PARVG: variants seen among roughly 807,000 people sequenced by gnomAD.
PARVG encodes the protein gamma-parvin.
PARVG carries 36 observed loss-of-function variants against 44.4 expected under a neutral mutation model. The observed-to-expected ratio is 0.81, with a 90% confidence interval of 0.62 to 1.07. PARVG has a LOEUF of 1.07. Ranked by LOEUF, PARVG falls within the 50% of genes least tolerant of loss-of-function variation. The pLI is 0.00. For synonymous variants in PARVG, 170 were observed against 174.1 expected (o/e 0.98, Z 0.19); for missense variants, 407 against 407.4 (o/e 1.00, Z 0.01).
At chr22:44,180,256 T>C (rs2054358141), upstream of PARVG, among the ~76,000 whole-genome samples, 1 of 152,186 alleles carries the variant, frequency 6.6e-6, no homozygotes, top group African/African-American at 2.4e-5. Flanking sequence ...TCCTTCACCC[T>C]CTAGGTTTTG....
At chr22:44,189,870 T>G (rs185570282) in intron 6 of PARVG, among the ~76,000 whole-genome samples, 1 of 152,130 alleles carries the variant, frequency 6.6e-6, no homozygotes, top group East Asian at 1.9e-4. Context: ...TGAGCCCAGA[T>G]TGCACCACTT....
At chr22:44,178,412 A>T (rs890792762), upstream of PARVG, among the ~76,000 whole-genome samples, 6 of 152,212 alleles carry the variant, frequency 3.9e-5, no homozygotes, top group Admixed American at 3.3e-4. Context: ...ATTTAAGGAG[A>T]CAAAGATCAG....
intron 9 of PARVG, among the ~76,000 whole-genome samples, chr22:44,194,720 ATCCATCCATCCC>A (rs1191429549): frequency 6.2e-5 from 9 of 145,562 alleles, no homozygotes. Context: ...GCATTCATCC[ATCCATCCATCCC>A]TCCATCCATC....
intron 4 of PARVG, chr22:44,186,316 G>A (rs2054469417): frequency 6.1e-6 from 2 of 328,454 alleles, no homozygotes; most frequent in African/African-American, 2.1e-5. Context: ...GTGGTGGTGG[G>A]CCTGGGTCAC....
intron 4 of PARVG, 33 bp downstream of exon 4, chr22:44,185,905 G>A (rs1279357654): frequency 1.9e-6 from 3 of 1,592,818 alleles, no homozygotes; most frequent in South Asian, 1.1e-5. Flanking sequence ...GACTTCCCTG[G>A]GTGCCTCTTG....
At chr22:44,198,925 C>CCCATCCAT (rs1377821104) in intron 12 of PARVG, among the ~76,000 whole-genome samples, 1 of 46,248 alleles carries the variant, frequency 2.2e-5, no homozygotes, top group Non-Finnish European at 5.3e-5. Context: ...CATCCATCTA[C>CCCATCCAT]CCATCCATCC....
Position 44,181,116 on chromosome 22 carries a change from C to A in PARVG, c.-258C>A. On this transcript the variant is annotated 5_prime_UTR_variant, in exon 1 of 14. Transcript: ENST00000444313. Reference sequence around the variant, plus strand: ...CTCCTCTGGAAAGCCTTCCCGATCCCCTTGGCAACAACCACCACCAATATT... The same window carrying A: ...CTCCTCTGGAAAGCCTTCCCGATCCACTTGGCAACAACCACCACCAATATT... 2.0e-6 allele frequency: 1 copy of A among 511,150 alleles called. No homozygotes were observed. Among genetic ancestry groups the A allele is most frequent in the Non-Finnish European group, 2.5e-6 (1 of 396,316 alleles). 31.7% of individuals were successfully genotyped at this position (511,150 alleles called of 1,614,324 possible). A position where few individuals can be genotyped will look rare whatever the true frequency, so the allele number is the denominator to read the frequency against.
At chr22:44,186,845 A>G (rs185234863) in intron 4 of PARVG, 3 of 361,220 alleles carry the variant, frequency 8.3e-6, no homozygotes, top group African/African-American at 6.3e-5. Context: ...GAGCAAGTTC[A>G]GTGCATTCCT....
chr22:44,198,627 G>A lies in PARVG; in HGVS notation c.718G>A (p.Asp240Asn), dbSNP rs1290093440. 1 of 1,612,776 alleles carries A rather than the reference G, an allele frequency of 6.2e-7. No individual in the cohort carries two copies. Among genetic ancestry groups the A allele is most frequent in the South Asian group, 1.1e-5 (1 of 91,058 alleles). Residue 240 changes from aspartate (D) to asparagine (N), a missense_variant, in exon 12 of 14, where the codon GAT becomes AAT. Transcript: ENST00000444313. ...CCAGTTCCTTCCTTTGTAGTTTGCA[G>A]ATGGGGTCATCTTACTCTTGCTGAT... is the stretch of plus-strand genomic sequence containing the variant. ...SVQNLDTQFA[D>N]GVILLLLIGQ...
At chr22:44,191,042 T>C (rs1314412987) in intron 7 of PARVG, among the ~76,000 whole-genome samples, 2 of 152,186 alleles carry the variant, frequency 1.3e-5, no homozygotes, top group African/African-American at 2.4e-5. Flanking sequence ...GCAAAACCAA[T>C]GCTCTCACCA....
At chr22:44,186,687 G>A (rs1279195387) in intron 4 of PARVG, 1 of 470,504 alleles carries the variant, frequency 2.1e-6, no homozygotes, top group South Asian at 1.5e-5. Flanking sequence ...TCCACAGGCT[G>A]ATCCAGAGAC....
intron 12 of PARVG, among the ~76,000 whole-genome samples, chr22:44,202,556 T>A (rs2054724055): frequency 6.6e-6 from 1 of 152,152 alleles, no homozygotes; most frequent in Admixed American, 6.5e-5. Context: ...TGAATATGAG[T>A]CAGATTAGAT....
Position 44,186,441 on chromosome 22 carries a change from A to G in PARVG, c.144+569A>G, listed in dbSNP as rs115123007. 2.5e-3 allele frequency: 1,029 copies of G among 411,602 alleles called. 5 individuals are homozygous for G. Among genetic ancestry groups the G allele is most frequent in the African/African-American group, 0.02 (962 of 49,108 alleles). 25.5% of individuals were successfully genotyped at this position (411,602 alleles called of 1,614,324 possible). A position where few individuals can be genotyped will look rare whatever the true frequency, so the allele number is the denominator to read the frequency against. On this transcript the variant is annotated intron_variant, in intron 4 of 13. Transcript: ENST00000444313. Reference sequence around the variant, plus strand: ...CAGCGTCTGTGTCTCCAGTCTCCACATGGCCTCTCTGTTGCCTCCTCCAGG... The same window carrying G: ...CAGCGTCTGTGTCTCCAGTCTCCACGTGGCCTCTCTGTTGCCTCCTCCAGG...
chr22:44,183,441 T>TGAA (rs1396111298), intron 3 of PARVG, 33 bp downstream of exon 3: 9 of 1,547,450 alleles, frequency 5.8e-6, no homozygotes, highest in Non-Finnish European at 7.0e-6. Flanking sequence ...GGGTGGAGGG[T>TGAA]GAAGGTCTGT....
At chr22:44,205,111 C>G (rs917033420) in intron 12 of PARVG, among the ~76,000 whole-genome samples, 1 of 152,170 alleles carries the variant, frequency 6.6e-6, no homozygotes, top group African/African-American at 2.4e-5. Context: ...CTAAAGGGAG[C>G]CATCTCTGAG....
intron 12 of PARVG, among the ~76,000 whole-genome samples, chr22:44,201,214 A>G (rs990964497): frequency 1.3e-5 from 2 of 151,894 alleles, no homozygotes; most frequent in East Asian, 1.9e-4. Flanking sequence ...GCCCTGTACC[A>G]CAGTCCACAC....
At chr22:44,205,902 G>T in intron 13 of PARVG, 73 bp downstream of exon 13, 1 of 1,533,918 alleles carries the variant, frequency 6.5e-7, no homozygotes, top group Non-Finnish European at 8.9e-7. Flanking sequence ...ACAGAACAGG[G>T]TGCAGGGCAT....
At chr22:44,190,452 T>G (rs2054532033) in intron 6 of PARVG, 99 bp from the exon 7 acceptor site, 13 of 864,512 alleles carry the variant, frequency 1.5e-5, no homozygotes, top group Non-Finnish European at 2.5e-5. Context: ...ACAGACCTCC[T>G]TGGTCTGCAG....
upstream of PARVG, among the ~76,000 whole-genome samples, chr22:44,177,013 C>T (rs965503889): frequency 1.3e-5 from 2 of 152,130 alleles, no homozygotes; most frequent in Non-Finnish European, 2.9e-5. Flanking sequence ...CCCACCAGGT[C>T]CCTCTCATGA....
Sources: allele counts gnomAD v4.1 joint callset (sites outside exome capture counted in the v4.1 genomes callset), GRCh38; gene constraint gnomAD v4.1.1; transcripts MANE v1.5; gene names NCBI Gene and HGNC (gene_info 2026-07-23, HGNC 2026-07-21).